The following GARIN3 variants were observed in gnomAD, a reference collection of about 807,000 sequenced individuals.
GARIN3 encodes Golgi-associated RAB2 interactor protein 3.
the GARIN3 span, chr5:157,166,139 G>A: frequency 3.1e-6 from 5 of 1,613,038 alleles, no homozygotes; most frequent in South Asian, 2.2e-5. Flanking sequence ...TGTGGGCTGT[G>A]TAATAAGGTA....
the GARIN3 span, chr5:157,163,189 G>A: frequency 8.7e-6 from 14 of 1,614,100 alleles, no homozygotes; most frequent in Middle Eastern, 1.6e-4. Flanking sequence ...CCCCGCCATC[G>A]AGGTGGAAGT....
chr5:157,165,074 G>C, the GARIN3 span, among the ~76,000 whole-genome samples: 1 of 152,142 alleles, frequency 6.6e-6, no homozygotes, highest in Non-Finnish European at 1.5e-5. Flanking sequence ...TGGAGACTCA[G>C]AAGGGTTGGA....
At chr5:157,165,898 G>A in the GARIN3 span, 1 of 1,614,154 alleles carries the variant, frequency 6.2e-7, no homozygotes, top group Non-Finnish European at 8.5e-7. Flanking sequence ...TTAGTTGGTT[G>A]GGCCAGAACC....
the GARIN3 span, among the ~76,000 whole-genome samples, chr5:157,164,941 C>T: frequency 1.9e-3 from 282 of 152,184 alleles, no homozygotes; most frequent in African/African-American, 6.4e-3. Flanking sequence ...ATCTCTTGAA[C>T]CCAGGAGGCA....
the GARIN3 span, chr5:157,163,279 G>T: frequency 6.2e-7 from 1 of 1,614,196 alleles, no homozygotes; most frequent in Non-Finnish European, 8.5e-7. Flanking sequence ...ACCTGCCATG[G>T]ACTTGCTGGA....
At chr5:157,164,013 C>T in the GARIN3 span, among the ~76,000 whole-genome samples, 21 of 151,442 alleles carry the variant, frequency 1.4e-4, no homozygotes, top group Non-Finnish European at 2.2e-4. Context: ...GCCAAGACTG[C>T]GCCACTCCAC....
chr5:157,162,971 T>C, the GARIN3 span: 2 of 1,614,248 alleles, frequency 1.2e-6, no homozygotes, highest in Non-Finnish European at 1.7e-6. Context: ...TTCTTTTCTC[T>C]TCTTTCCTTG....
chr5:157,163,193 T>C, the GARIN3 span: 1 of 1,614,098 alleles, frequency 6.2e-7, no homozygotes, highest in Non-Finnish European at 8.5e-7. Flanking sequence ...GCCATCGAGG[T>C]GGAAGTACCT....
chr5:157,166,080 C>T, the GARIN3 span: 18 of 1,614,154 alleles, frequency 1.1e-5, no homozygotes, highest in South Asian at 6.6e-5. Context: ...GTACAATTGT[C>T]GTTGCAGGTC....
chr5:157,163,498 C>A, the GARIN3 span: 24 of 1,614,150 alleles, frequency 1.5e-5, no homozygotes, highest in Non-Finnish European at 1.9e-5. Context: ...TTCAGCAGCC[C>A]CTGGAGTGCT....
At chr5:157,165,145 C>T in the GARIN3 span, among the ~76,000 whole-genome samples, 1 of 152,158 alleles carries the variant, frequency 6.6e-6, no homozygotes, top group Non-Finnish European at 1.5e-5. Flanking sequence ...ATGATGGTTA[C>T]ACTAAAAGCC....
chr5:157,162,154 A>C, the GARIN3 span: 3 of 418,200 alleles, frequency 7.2e-6, no homozygotes, highest in Admixed American at 4.2e-5. Context: ...GTCTCGGGGA[A>C]GCAAAAGGGA....
the GARIN3 span, among the ~76,000 whole-genome samples, chr5:157,165,039 A>G: frequency 5.9e-5 from 9 of 152,168 alleles, no homozygotes; most frequent in African/African-American, 1.9e-4. Flanking sequence ...TTGCACAAAA[A>G]TCTGTACAGT....
At chr5:157,165,081 T>C in the GARIN3 span, among the ~76,000 whole-genome samples, 3 of 152,090 alleles carry the variant, frequency 2.0e-5, no homozygotes, top group Admixed American at 6.6e-5. Context: ...TCAGAAGGGT[T>C]GGAGGGGGTG....
the GARIN3 span, chr5:157,163,033 C>G: frequency 6.2e-7 from 1 of 1,614,260 alleles, no homozygotes; most frequent in Non-Finnish European, 8.5e-7. Flanking sequence ...GCTTCCATCT[C>G]GTTCACTCAT....
At chr5:157,162,422 G>C in the GARIN3 span, 1 of 1,603,234 alleles carries the variant, frequency 6.2e-7, no homozygotes, top group East Asian at 2.2e-5. Flanking sequence ...CCAGATCCCT[G>C]GGCGGTTGTA....
At chr5:157,165,539 T>G in the GARIN3 span, 1 of 1,581,464 alleles carries the variant, frequency 6.3e-7, no homozygotes, top group South Asian at 1.2e-5. Flanking sequence ...CTGCCCCATG[T>G]TCTCGAGCCT....
the GARIN3 span, chr5:157,163,803 C>T: frequency 9.0e-7 from 1 of 1,105,944 alleles, no homozygotes. Flanking sequence ...CGCCTGTAAT[C>T]CCAACACTTT....
chr5:157,162,451 A>G, the GARIN3 span: 1 of 1,613,178 alleles, frequency 6.2e-7, no homozygotes, highest in African/African-American at 1.3e-5. Context: ...TCCTCTTTAA[A>G]TGGATTTGGT....
Sources: allele counts gnomAD v4.1 joint callset (sites outside exome capture counted in the v4.1 genomes callset), GRCh38; gene constraint gnomAD v4.1.1; transcripts MANE v1.5; gene names NCBI Gene and HGNC (gene_info 2026-07-23, HGNC 2026-07-21).